Variants in RBMS3 observed in about 807,000 individuals in gnomAD.
The protein encoded by RBMS3 is RNA binding motif single stranded interacting protein 3.
In RBMS3, 27 loss-of-function variants were observed where a neutral mutation model predicts 66.8. The observed-to-expected ratio is 0.40, with a 90% CI of 0.30 to 0.56. The LOEUF is 0.56. Among genes scored for constraint, RBMS3 ranks in the 20% least tolerant of loss-of-function variants. The pLI, the probability that RBMS3 is intolerant of heterozygous loss-of-function variation, is 0.40. For missense variants in RBMS3, 513 were observed against 549.5 expected (o/e 0.93, Z 0.66); for synonymous variants, 188 against 183.0 (o/e 1.03, Z -0.22).
intron 1 of RBMS3, among the ~76,000 whole-genome samples, chr3:29,315,710 A>G (rs563783235): frequency 1.3e-4 from 20 of 151,890 alleles, no homozygotes; most frequent in Non-Finnish European, 2.4e-4. Context: ...TGATAATACA[A>G]TCATGCTGCA....
chr3:29,503,730 G>T (rs1042138561), intron 3 of RBMS3, among the ~76,000 whole-genome samples: 10 of 152,098 alleles, frequency 6.6e-5, no homozygotes, highest in Admixed American at 2.0e-4. Context: ...GTAATTCTCA[G>T]GTAGACCACA....
intron 3 of RBMS3, among the ~76,000 whole-genome samples, chr3:29,527,938 T>G (rs943462902): frequency 6.6e-6 from 1 of 151,130 alleles, no homozygotes; most frequent in Non-Finnish European, 1.5e-5. Flanking sequence ...TAAATAAAAA[T>G]AAAAAATAAA....
At chr3:29,518,921 G>A (rs2044744798) in intron 3 of RBMS3, among the ~76,000 whole-genome samples, 1 of 152,296 alleles carries the variant, frequency 6.6e-6, no homozygotes, top group Admixed American at 6.5e-5. Flanking sequence ...AGTGAGAAGA[G>A]AAATGGGAAG....
At chr3:29,959,764 AAGG>A (rs774650327) in intron 12 of RBMS3, among the ~76,000 whole-genome samples, 3 of 152,076 alleles carry the variant, frequency 2.0e-5, no homozygotes, top group Non-Finnish European at 2.9e-5. Flanking sequence ...TGGCAGCAGC[AAGG>A]AGAAGTGCCA....
chr3:29,367,023 T>C lies in RBMS3; in HGVS notation c.76-67720T>C, dbSNP rs558087851. Reference sequence around the variant, plus strand: ...ACACAAAATGATCTTTGGTAACACATGGAAGAACTAAAAAGGTAAAAGACT... The same window carrying C: ...ACACAAAATGATCTTTGGTAACACACGGAAGAACTAAAAAGGTAAAAGACT... On this transcript the variant is annotated intron_variant, in intron 1 of 14. Transcript: ENST00000383767. Among the ~76,000 whole-genome samples the C allele has an allele frequency of 3.9e-5, 6 of 152,190 alleles. No individual in the cohort carries two copies. The South Asian group carries it at 1.2e-3, about 32-fold the overall frequency.
Position 29,688,256 on chromosome 3 carries a change from A to G in RBMS3, c.400-51464A>G, listed in dbSNP as rs536029215. 4.6e-5 allele frequency among the ~76,000 whole-genome samples: 7 copies of G among 152,230 alleles called. 1 individual carries two copies. In the South Asian group the frequency reaches 8.3e-4, roughly 18 times the overall value. On this transcript the variant is annotated intron_variant, in intron 4 of 14. Coordinates refer to ENST00000383767, the MANE Select transcript of RBMS3 (RefSeq NM_001003793.3). ...ATGCTTTTATGTGCATTGATTTCCT[A>G]TCCCCATTTTCTTGAGGGTAGAGAG... is the stretch of plus-strand genomic sequence containing the variant.
chr3:29,988,447 C>T (rs1698583938), intron 13 of RBMS3, among the ~76,000 whole-genome samples: 1 of 152,208 alleles, frequency 6.6e-6, no homozygotes, highest in African/African-American at 2.4e-5. Flanking sequence ...CGACGGGAGT[C>T]TCTTTCATAT....
intron 13 of RBMS3, 46 bp downstream of exon 13, chr3:29,988,269 C>T: frequency 2.0e-6 from 3 of 1,491,842 alleles, no homozygotes; most frequent in Non-Finnish European, 2.8e-6. Context: ...AAATAAATCT[C>T]AGTCACATAT....
intron 3 of RBMS3, among the ~76,000 whole-genome samples, chr3:29,507,172 C>T (rs1380158663): frequency 4.0e-5 from 6 of 151,186 alleles, no homozygotes; most frequent in Admixed American, 3.3e-4. Flanking sequence ...TAGGATATCT[C>T]TTTACTATCA....
At chr3:29,289,812 CATTAT>C (rs2032670421) in intron 1 of RBMS3, among the ~76,000 whole-genome samples, 1 of 151,714 alleles carries the variant, frequency 6.6e-6, no homozygotes, top group South Asian at 2.1e-4. Context: ...ACTTTCCTAT[CATTAT>C]ATTGTGAGGT....
chr3:29,868,571 G>T (rs2059415753), intron 6 of RBMS3, among the ~76,000 whole-genome samples: 1 of 152,162 alleles, frequency 6.6e-6, no homozygotes, highest in Admixed American at 6.6e-5. Context: ...TACTGGAAGG[G>T]TCGGTGCTTG....
chr3:29,872,341 G>T (rs764857232), intron 7 of RBMS3, among the ~76,000 whole-genome samples: 1 of 151,856 alleles, frequency 6.6e-6, no homozygotes, highest in African/African-American at 2.4e-5. Flanking sequence ...TTTACAAATC[G>T]CTTTAATGTC....
chr3:29,730,953 G>A (rs1347782961), intron 4 of RBMS3: 2 of 985,124 alleles, frequency 2.0e-6, no homozygotes, highest in Admixed American at 6.2e-5. Flanking sequence ...GGTGTATATG[G>A]AGGGAGAAAT....
chr3:29,727,838 C>T (rs995457605), intron 4 of RBMS3, among the ~76,000 whole-genome samples: 3 of 152,054 alleles, frequency 2.0e-5, no homozygotes, highest in African/African-American at 7.2e-5. Context: ...ACCATTTGAC[C>T]CAGCAATCGC....
chr3:29,920,712 ATGCC>A (rs2060749029), intron 10 of RBMS3, among the ~76,000 whole-genome samples: 1 of 152,258 alleles, frequency 6.6e-6, no homozygotes, highest in South Asian at 2.1e-4. Flanking sequence ...ATGGTGGCTG[ATGCC>A]TGTAATCCCA....
At chr3:29,287,991 A>G (rs2032503754) in intron 1 of RBMS3, among the ~76,000 whole-genome samples, 2 of 152,054 alleles carry the variant, frequency 1.3e-5, no homozygotes, top group South Asian at 2.1e-4. Flanking sequence ...ATGTAGGTTT[A>G]TTACTCAGGG....
chr3:29,436,020 T>C (rs2041391611), intron 2 of RBMS3, among the ~76,000 whole-genome samples: 1 of 151,998 alleles, frequency 6.6e-6, no homozygotes. Context: ...TTTTGGTTAG[T>C]ATCTGATTAT....
intron 4 of RBMS3, among the ~76,000 whole-genome samples, chr3:29,663,277 T>A (rs751482227): frequency 1.8e-4 from 27 of 152,200 alleles, no homozygotes; most frequent in Non-Finnish European, 3.4e-4. Context: ...ATTTCTATCA[T>A]CTCCTATGAA....
chr3:29,425,109 C>T (rs554413381), intron 1 of RBMS3, among the ~76,000 whole-genome samples: 126 of 148,794 alleles, frequency 8.5e-4, no homozygotes, highest in Non-Finnish European at 1.6e-3. Context: ...TTTGGGAGGC[C>T]GAGGTGGGCG....
Sources: allele counts gnomAD v4.1 joint callset (sites outside exome capture counted in the v4.1 genomes callset), GRCh38; gene constraint gnomAD v4.1.1; transcripts MANE v1.5; gene names NCBI Gene and HGNC (gene_info 2026-07-23, HGNC 2026-07-21).